TRAF3IP1: variants seen among roughly 807,000 people sequenced by gnomAD.
TRAF3IP1 encodes TRAF3-interacting protein 1.
A neutral mutation model predicts 89.9 loss-of-function variants in TRAF3IP1; 53 were observed. The ratio of observed to expected loss-of-function variants is 0.59; its 90% CI spans 0.47 to 0.74. The LOEUF (loss-of-function observed/expected upper bound fraction) is 0.74. Among genes scored for constraint, TRAF3IP1 ranks in the 30% least tolerant of loss-of-function variants. TRAF3IP1 has a pLI of 0.00. For synonymous variants in TRAF3IP1, 311 were observed against 322.1 expected, an observed-to-expected ratio of 0.97 and a Z score of 0.37; for missense variants, 806 against 866.1, an observed-to-expected ratio of 0.93 and a Z score of 0.87.
intron 10 of TRAF3IP1, 66 bp from the exon 11 acceptor site, chr2:238,348,698 T>C (rs1699009549): frequency 7.3e-7 from 1 of 1,364,456 alleles, no homozygotes; most frequent in Non-Finnish European, 1.0e-6. Flanking sequence ...ATGCAAATAG[T>C]ATTTTCAAAT....
chr2:238,356,682 C>T (rs1699424886), intron 15 of TRAF3IP1, among the ~76,000 whole-genome samples: 1 of 152,200 alleles, frequency 6.6e-6, no homozygotes, highest in Non-Finnish European at 1.5e-5. Context: ...CTGACTCTCC[C>T]CTTCTGGCCT....
At chr2:238,347,411 G>A in intron 9 of TRAF3IP1, 44 bp from the exon 10 acceptor site, 2 of 1,611,150 alleles carry the variant, frequency 1.2e-6, no homozygotes, top group Non-Finnish European at 1.7e-6. Flanking sequence ...ATGTATTGAG[G>A]TTGACTACAC....
chr2:238,344,502 AAAG>A lies in TRAF3IP1; in HGVS notation c.1169_1171del (p.Glu390del). 1 of 1,613,916 alleles carries A rather than the reference AAAG, an allele frequency of 6.2e-7. No individual in the cohort carries two copies. The highest frequency in any genetic ancestry group is 1.1e-5 in the South Asian group (1 of 91,080). ...TTTAAACTGTTTTATGTCAGGAACA[AAAG>A]AAGCTAATATTAACTCAACTAGTAT... On this transcript the variant is annotated inframe_deletion, in exon 9 of 17. Transcript: ENST00000373327.
intron 15 of TRAF3IP1, among the ~76,000 whole-genome samples, chr2:238,368,509 C>G (rs79252293): frequency 0.038 from 5,767 of 152,130 alleles, 354 homozygotes; most frequent in African/African-American, 0.13. Flanking sequence ...ATAATACTTA[C>G]AATACTTGTC....
intron 1 of TRAF3IP1, among the ~76,000 whole-genome samples, chr2:238,322,712 A>AG (rs1697615157): frequency 2.0e-5 from 3 of 151,336 alleles, no homozygotes; most frequent in Non-Finnish European, 4.4e-5. Context: ...AAAAAAAAAA[A>AG]AAGAATTGCC....
chr2:238,355,150 A>G (rs924647811), intron 14 of TRAF3IP1, among the ~76,000 whole-genome samples: 3 of 152,186 alleles, frequency 2.0e-5, no homozygotes, highest in African/African-American at 4.8e-5. Context: ...AATGTAAGAT[A>G]ATTCGCATGA....
At chr2:238,349,208 C>T in intron 11 of TRAF3IP1, 117 bp from the exon 12 acceptor site, 1 of 977,928 alleles carries the variant, frequency 1.0e-6, no homozygotes, top group Admixed American at 2.1e-5. Context: ...GTGTCCTAAC[C>T]AGCACATTGA....
intron 6 of TRAF3IP1, 88 bp downstream of exon 6, chr2:238,332,983 G>T: frequency 1.0e-6 from 1 of 960,694 alleles, no homozygotes; most frequent in Non-Finnish European, 1.7e-6. Flanking sequence ...GTCCACTGAG[G>T]CATGGAAGGA....
chr2:238,343,714 G>A (rs542648620), intron 8 of TRAF3IP1, among the ~76,000 whole-genome samples: 32 of 145,810 alleles, frequency 2.2e-4, no homozygotes, highest in African/African-American at 7.6e-4. Context: ...GTGCAGTGGC[G>A]TGATCACAGC....
rs553601449 is a variant in TRAF3IP1, at chr2:238,343,671, G to A, written c.1160-826G>A. Among the ~76,000 whole-genome samples the A allele has an allele frequency of 4.7e-4, 59 of 124,718 alleles. 1 individual carries two copies. The Middle Eastern group carries it at 0.018, about 38-fold the overall frequency. 81.8% of individuals were successfully genotyped at this position (124,718 alleles called of 152,430 possible). On this transcript the variant is annotated intron_variant, in intron 8 of 16. Transcript: ENST00000373327. Reference sequence around the variant, plus strand: ...CTTTTTTTTTTTTTTTTTTTTCCCCGAGATAGGGTCTTACTCTTTGCCCTG... The same window carrying A: ...CTTTTTTTTTTTTTTTTTTTTCCCCAAGATAGGGTCTTACTCTTTGCCCTG...
chr2:238,356,502 GA>G (rs895876786), intron 15 of TRAF3IP1, among the ~76,000 whole-genome samples: 4 of 150,582 alleles, frequency 2.7e-5, no homozygotes, highest in Admixed American at 6.6e-5. Context: ...GCCTCAGAAA[GA>G]AAAAAAAAGC....
At chr2:238,363,104 G>C (rs997876021) in intron 15 of TRAF3IP1, among the ~76,000 whole-genome samples, 18 of 151,926 alleles carry the variant, frequency 1.2e-4, no homozygotes, top group African/African-American at 4.4e-4. Context: ...GTGAGACTTT[G>C]AAAAAACTAT....
intron 15 of TRAF3IP1, among the ~76,000 whole-genome samples, chr2:238,366,841 G>A (rs1339820667): frequency 1.3e-5 from 2 of 152,136 alleles, no homozygotes; most frequent in Admixed American, 6.5e-5. Flanking sequence ...GGATATATGA[G>A]GGAATGATGT....
chr2:238,393,594 T>TAAGA (rs1372389742), intron 15 of TRAF3IP1, among the ~76,000 whole-genome samples: 17 of 152,336 alleles, frequency 1.1e-4, no homozygotes, highest in African/African-American at 4.1e-4. Context: ...CCAAAGACTT[T>TAAGA]TTCCTCCTGT....
Position 238,329,022 on chromosome 2 carries a change from A to G in TRAF3IP1, c.595A>G (p.Lys199Glu), listed in dbSNP as rs998455163. ...AGACCGCAAGCCAAGAGAAAAGGAC[A>G]AGGACAAGGAGAAGGCCAAGGAGAA... is the stretch of plus-strand genomic sequence containing the variant. ...KEDRKPREKD[K>E]DKEKAKENGG... The change falls in exon 5 of 17, where the codon AAG becomes GAG. Residue 199 changes from lysine (K) to glutamate (E), a missense_variant. Physicochemically the swap from Lys to Glu is moderately conservative, Grantham distance 56 (BLOSUM62 1). Around this residue, in one of 3 missense-constraint regions of TRAF3IP1, gnomAD observed 732 missense variants for 780.5 expected, o/e 0.94. Transcript: ENST00000373327. 2 of 1,551,802 alleles carry G rather than the reference A, an allele frequency of 1.3e-6. No homozygotes were observed. The highest frequency in any genetic ancestry group is 2.7e-5 in the African/African-American group (2 of 72,986).
chr2:238,325,965 A>G lies in TRAF3IP1; in HGVS notation c.349A>G (p.Asn117Asp). ...LLQIIGKCCL[N>D]KLSSDDAVRR... ...CCAGATAATTGGAAAATGCTGTCTC[A>G]ACAAGGTACTACTGCTGTCCTGGCA... Residue 117 changes from asparagine to aspartate, a missense_variant, in exon 3 of 17, where the codon AAC (asparagine) becomes GAC (aspartate). Around this residue, in one of 3 missense-constraint regions of TRAF3IP1, gnomAD observed 732 missense variants for 780.5 expected, o/e 0.94. Coordinates refer to ENST00000373327, the MANE Select transcript of TRAF3IP1 (RefSeq NM_015650.4). The G allele has an allele frequency of 6.2e-7, 1 of 1,612,590 alleles. No homozygotes were observed. Among genetic ancestry groups the G allele is most frequent in the Non-Finnish European group, 8.5e-7 (1 of 1,179,520 alleles).
chr2:238,348,738 T>C (rs756074507), intron 10 of TRAF3IP1, 26 bp from the exon 11 acceptor site: 2 of 1,599,524 alleles, frequency 1.3e-6, no homozygotes, highest in East Asian at 4.5e-5. Context: ...CCTTTGTGAA[T>C]TGCTAATTGA....
At chr2:238,375,620 A>G (rs529895) in intron 15 of TRAF3IP1, among the ~76,000 whole-genome samples, 38,175 of 152,182 alleles carry the variant, frequency 0.25, 5,930 homozygotes, top group Middle Eastern at 0.45. Flanking sequence ...TTTGTGGTAT[A>G]GAATTCTGTA....
At chr2:238,383,399 T>C (rs940471621) in intron 15 of TRAF3IP1, among the ~76,000 whole-genome samples, 1 of 152,216 alleles carries the variant, frequency 6.6e-6, no homozygotes, top group African/African-American at 2.4e-5. Flanking sequence ...AGCATAGGCC[T>C]TTGGAAACTA....
Sources: gnomAD v4.1 joint callset for allele counts (sites outside exome capture counted in the v4.1 genomes callset) on GRCh38, gnomAD v4.1.1 for gene constraint, gnomAD v4.1.1 regional missense constraint, MANE v1.5 for transcripts, NCBI Gene and HGNC (gene_info 2026-07-23, HGNC 2026-07-21) for gene names.